Variants in ZNF704 observed in about 807,000 individuals in gnomAD.
The protein encoded by ZNF704 is glucocorticoid induced gene 1.
ZNF704 carries 10 observed loss-of-function variants against 44.7 expected under a neutral mutation model. The ratio of observed to expected loss-of-function variants is 0.22; its 90% CI spans 0.14 to 0.38. The LOEUF is 0.38. Ranked by LOEUF, ZNF704 falls within the 10% of genes least tolerant of loss-of-function variation. ZNF704 has a pLI of 1.00. For synonymous variants in ZNF704, 211 were observed against 207.6 expected (o/e 1.02, Z -0.14); for missense variants, 390 against 545.5 (o/e 0.71, Z 2.84).
chr8:80,785,568 TTTTATAGTTTGGGTTAA>T (rs1425758941), intron 2 of ZNF704, among the ~76,000 whole-genome samples: 1 of 152,218 alleles, frequency 6.6e-6, no homozygotes, highest in African/African-American at 2.4e-5. Context: ...TGGGCATTTA[TTTTATAGTTTGGGTTAA>T]CCATCCAATA....
chr8:80,768,300 G>T lies in ZNF704; in HGVS notation c.221+53074C>A, dbSNP rs566233591. ...CTCCTTAAAAAATAAAGCTTTATGT[G>T]ATATGTCCTTGTCAGTACATCTCCC... On this transcript the variant is annotated intron_variant, in intron 2 of 8. Transcript: ENST00000327835. 2.6e-5 allele frequency among the ~76,000 whole-genome samples: 4 copies of T among 151,798 alleles called. No individual in the cohort carries two copies. The East Asian group carries it at 7.8e-4, about 30-fold the overall frequency.
chr8:80,847,109 G>T (rs1282695745), intron 1 of ZNF704, among the ~76,000 whole-genome samples: 1 of 152,100 alleles, frequency 6.6e-6, no homozygotes, highest in Non-Finnish European at 1.5e-5. Context: ...GGAAACAGAG[G>T]TTGCAGTGAG....
chr8:80,878,260 GGAAGGAAGGA>G (rs1809384667), upstream of ZNF704, among the ~76,000 whole-genome samples: 1 of 45,280 alleles, frequency 2.2e-5, no homozygotes, highest in Admixed American at 2.9e-4. Flanking sequence ...AAGAAAGGAA[GGAAGGAAGGA>G]AGGAAGGAAG....
At chr8:80,718,614 T>C (rs956779442) in intron 2 of ZNF704, among the ~76,000 whole-genome samples, 12 of 152,132 alleles carry the variant, frequency 7.9e-5, no homozygotes, top group African/African-American at 2.9e-4. Flanking sequence ...GGCTTGCTGA[T>C]CCAAGGCAGA....
intron 4 of ZNF704, among the ~76,000 whole-genome samples, chr8:80,679,310 A>G (rs1220240172): frequency 6.6e-6 from 1 of 152,212 alleles, no homozygotes; most frequent in East Asian, 1.9e-4. Flanking sequence ...TATCCAGTTG[A>G]AACAAATCCT....
chr8:80,857,187 T>C (rs1237259726), intron 1 of ZNF704, among the ~76,000 whole-genome samples: 2 of 152,166 alleles, frequency 1.3e-5, no homozygotes, highest in Non-Finnish European at 2.9e-5. Flanking sequence ...GAAACAGCGA[T>C]ATTTTCTTTT....
chr8:80,712,872 T>C (rs910764976), intron 2 of ZNF704, among the ~76,000 whole-genome samples: 1 of 151,338 alleles, frequency 6.6e-6, no homozygotes, highest in Admixed American at 6.6e-5. Context: ...AAGTAGGGGT[T>C]TTTTTGTTTG....
At chr8:80,792,538 G>C (rs1431620006) in intron 2 of ZNF704, among the ~76,000 whole-genome samples, 1 of 152,206 alleles carries the variant, frequency 6.6e-6, no homozygotes, top group Non-Finnish European at 1.5e-5. Context: ...TAGCCAAGTT[G>C]ATGGCATGGG....
chr8:80,828,094 C>G (rs1180114951), intron 1 of ZNF704, among the ~76,000 whole-genome samples: 1 of 152,138 alleles, frequency 6.6e-6, no homozygotes, highest in Non-Finnish European at 1.5e-5. Context: ...TCTAACTAAA[C>G]TAAAGAGCTT....
chr8:80,654,541 G>C (rs1030153709), intron 7 of ZNF704, among the ~76,000 whole-genome samples: 2 of 152,164 alleles, frequency 1.3e-5, no homozygotes, highest in African/African-American at 4.8e-5. Context: ...GATATGAACA[G>C]ACACTTCTCA....
chr8:80,869,630 C>T (rs1220867857), intron 1 of ZNF704, among the ~76,000 whole-genome samples: 2 of 152,190 alleles, frequency 1.3e-5, no homozygotes, highest in African/African-American at 2.4e-5. Flanking sequence ...CTTTTCTCTA[C>T]ATCTTTGGTT....
intron 2 of ZNF704, among the ~76,000 whole-genome samples, chr8:80,735,211 T>C (rs912068240): frequency 9.2e-5 from 14 of 152,234 alleles, no homozygotes; most frequent in African/African-American, 3.4e-4. Context: ...AGTTTTGCTG[T>C]TGTGATTCTC....
At chr8:80,645,392 T>C (rs1460278104) in intron 7 of ZNF704, among the ~76,000 whole-genome samples, 1 of 152,160 alleles carries the variant, frequency 6.6e-6, no homozygotes, top group Non-Finnish European at 1.5e-5. Context: ...GTACAGGTAT[T>C]AGTACTTTCT....
chr8:80,764,060 T>C (rs1403102899), intron 2 of ZNF704, among the ~76,000 whole-genome samples: 3 of 152,330 alleles, frequency 2.0e-5, no homozygotes, highest in Admixed American at 2.0e-4. Flanking sequence ...AGTGCCAAAC[T>C]TTCCCACATT....
chr8:80,834,498 G>A (rs1473306565), intron 1 of ZNF704, among the ~76,000 whole-genome samples: 2 of 147,468 alleles, frequency 1.4e-5, no homozygotes, highest in Non-Finnish European at 3.0e-5. Context: ...CTGGGTTTAC[G>A]ACAGCAAGTT....
At chr8:80,667,856 C>T (rs1356126089) in intron 5 of ZNF704, among the ~76,000 whole-genome samples, 1 of 152,176 alleles carries the variant, frequency 6.6e-6, no homozygotes, top group Non-Finnish European at 1.5e-5. Context: ...AGTTTCTCCA[C>T]TTATAAAATG....
At chr8:80,846,107 G>A (rs1808763619) in intron 1 of ZNF704, among the ~76,000 whole-genome samples, 1 of 152,106 alleles carries the variant, frequency 6.6e-6, no homozygotes, top group Admixed American at 6.6e-5. Flanking sequence ...TGCTGCTCAA[G>A]AATCATGCCT....
At chr8:80,881,160 A>G in the ZNF704 span, among the ~76,000 whole-genome samples, 1 of 152,252 alleles carries the variant, frequency 6.6e-6, no homozygotes, top group African/African-American at 2.4e-5. Context: ...TTCCATTTCT[A>G]GTTATTCATC....
chr8:80,801,631 C>G (rs572716677), intron 2 of ZNF704, among the ~76,000 whole-genome samples: 1 of 152,234 alleles, frequency 6.6e-6, no homozygotes, highest in African/African-American at 2.4e-5. Flanking sequence ...AACAAAGAGA[C>G]AACACATCAG....
Sources: allele counts gnomAD v4.1 joint callset (sites outside exome capture counted in the v4.1 genomes callset), GRCh38; gene constraint gnomAD v4.1.1; transcripts MANE v1.5; gene names NCBI Gene and HGNC (gene_info 2026-07-23, HGNC 2026-07-21).